Variants in PTPRD observed in about 807,000 individuals in gnomAD.
The protein encoded by PTPRD is protein tyrosine phosphatase receptor type D.
PTPRD carries 34 observed loss-of-function variants against 214.5 expected under a neutral mutation model. The ratio of observed to expected loss-of-function variants is 0.16; its 90% CI spans 0.12 to 0.21. PTPRD has a LOEUF of 0.21. Ranked by LOEUF, PTPRD falls within the 10% of genes least tolerant of loss-of-function variation. The probability of loss-of-function intolerance (pLI) is 1.00; values close to 1 mark genes in which losing one functional copy is unlikely to be tolerated. For missense variants in PTPRD, 2,545 were observed against 2,398.7 expected (o/e 1.06, Z -1.27); for synonymous variants, 1,128 against 845.7 (o/e 1.33, Z -5.79).
intron 14 of PTPRD, 122 bp downstream of exon 14, chr9:8,633,195 C>G: frequency 7.8e-7 from 1 of 1,275,636 alleles, no homozygotes; most frequent in Non-Finnish European, 1.1e-6. Context: ...TCAAGTCTTA[C>G]AAACATTTAA....
chr9:10,213,271 T>C (rs895192762), intron 3 of PTPRD, among the ~76,000 whole-genome samples: 1 of 152,136 alleles, frequency 6.6e-6, no homozygotes, highest in Non-Finnish European at 1.5e-5. Context: ...CATTATAAAA[T>C]AGAGTTATAA....
intron 11 of PTPRD, among the ~76,000 whole-genome samples, chr9:8,953,441 C>G (rs1392332616): frequency 6.6e-6 from 1 of 151,802 alleles, no homozygotes; most frequent in African/African-American, 2.4e-5. Flanking sequence ...TCAGCCTTGG[C>G]AAAGAATTTG....
intron 2 of PTPRD, among the ~76,000 whole-genome samples, chr9:10,377,900 T>C (rs1170343455): frequency 1.3e-5 from 2 of 152,054 alleles, no homozygotes; most frequent in African/African-American, 2.4e-5. Context: ...GATACACTGA[T>C]TTCATTTCTT....
Position 10,459,147 on chromosome 9 carries a change from T to A in PTPRD, c.-599-118130A>T, listed in dbSNP as rs115848758. On this transcript the variant is annotated intron_variant, in intron 2 of 45. Coordinates refer to ENST00000381196, the MANE Select transcript of PTPRD (RefSeq NM_002839.4). ...CCCACTCATGAGTAAGAACATCTGG[T>A]GTTCGGTTCTCTGTCCTTGTGCCAG... Among the ~76,000 whole-genome samples the A allele has an allele frequency of 4.2e-3, 638 of 152,292 alleles. 4 individuals carry two copies. The highest frequency in any genetic ancestry group is 0.014 in the African/African-American group (602 of 41,558).
At chr9:9,594,754 T>G (rs2093116192) in intron 7 of PTPRD, among the ~76,000 whole-genome samples, 1 of 152,030 alleles carries the variant, frequency 6.6e-6, no homozygotes, top group Admixed American at 6.6e-5. Context: ...CTATGTCGGC[T>G]TTTTGCACAG....
chr9:8,981,429 G>C (rs1482424167), intron 11 of PTPRD, among the ~76,000 whole-genome samples: 2 of 151,854 alleles, frequency 1.3e-5, no homozygotes, highest in Non-Finnish European at 2.9e-5. Flanking sequence ...GTATCGTTTA[G>C]TAAAGTCAAG....
intron 10 of PTPRD, among the ~76,000 whole-genome samples, chr9:9,042,510 C>T (rs150722635): frequency 4.6e-5 from 7 of 152,166 alleles, no homozygotes; most frequent in Admixed American, 1.3e-4. Flanking sequence ...AAAAGATGTG[C>T]CAGGCAGGGA....
At chr9:10,545,756 C>A (rs1251661358) in intron 2 of PTPRD, among the ~76,000 whole-genome samples, 1 of 152,132 alleles carries the variant, frequency 6.6e-6, no homozygotes. Context: ...CCAAGCTGAG[C>A]AAAGTTCTTT....
chr9:10,482,444 G>C (rs1365077295), intron 2 of PTPRD, among the ~76,000 whole-genome samples: 1 of 151,772 alleles, frequency 6.6e-6, no homozygotes, highest in African/African-American at 2.4e-5. Flanking sequence ...GCAAGATAAA[G>C]AAATAAAGGG....
At chr9:8,815,178 G>C (rs1392648769) in intron 11 of PTPRD, among the ~76,000 whole-genome samples, 1 of 151,702 alleles carries the variant, frequency 6.6e-6, no homozygotes, top group South Asian at 2.1e-4. Context: ...GTGGAAAGAA[G>C]ATATAGAGTA....
chr9:9,107,152 A>C (rs983157591), intron 10 of PTPRD, among the ~76,000 whole-genome samples: 1 of 152,166 alleles, frequency 6.6e-6, no homozygotes, highest in Non-Finnish European at 1.5e-5. Flanking sequence ...TATTGTAGGA[A>C]TAGAGTGTAA....
Position 10,344,127 on chromosome 9 carries a change from G to T in PTPRD, c.-599-3110C>A, listed in dbSNP as rs538807395. On this transcript the variant is annotated intron_variant, in intron 2 of 45. Coordinates refer to ENST00000381196, the MANE Select transcript of PTPRD (RefSeq NM_002839.4). ...CCATGCCTATGTCCTGAATGGTATT[G>T]CCTAGGTTTTCTTCTAGGGTTTTTA... Among the ~76,000 whole-genome samples, 20 of 151,346 alleles carry T rather than the reference G, an allele frequency of 1.3e-4. No individual in the cohort carries two copies. The South Asian group carries it at 3.1e-3, about 24-fold the overall frequency.
At chr9:9,631,411 G>A (rs2095590270) in intron 7 of PTPRD, among the ~76,000 whole-genome samples, 1 of 152,054 alleles carries the variant, frequency 6.6e-6, no homozygotes, top group Non-Finnish European at 1.5e-5. Context: ...TCAGCCACAA[G>A]TTATTCTTTC....
At chr9:10,136,699 T>C (rs534450860) in intron 3 of PTPRD, among the ~76,000 whole-genome samples, 2 of 88,896 alleles carry the variant, frequency 2.2e-5, no homozygotes, top group East Asian at 3.7e-4. Flanking sequence ...AATTGACAAA[T>C]GGGATCTAAT....
intron 9 of PTPRD, among the ~76,000 whole-genome samples, chr9:9,350,843 C>A (rs1478029889): frequency 1.3e-5 from 2 of 151,994 alleles, no homozygotes; most frequent in African/African-American, 4.8e-5. Context: ...GGAAAATATT[C>A]CCTCAGATAA....
At chr9:10,006,268 C>CA (rs1382846466) in intron 4 of PTPRD, among the ~76,000 whole-genome samples, 1 of 151,994 alleles carries the variant, frequency 6.6e-6, no homozygotes, top group Non-Finnish European at 1.5e-5. Flanking sequence ...AACTACTTAG[C>CA]ATTTGATACA....
At chr9:10,369,230 A>G (rs188900861) in intron 2 of PTPRD, among the ~76,000 whole-genome samples, 7 of 152,238 alleles carry the variant, frequency 4.6e-5, no homozygotes, top group Admixed American at 3.9e-4. Context: ...CTTGGCAAAT[A>G]CTTTCTAAAA....
intron 11 of PTPRD, among the ~76,000 whole-genome samples, chr9:8,817,261 C>T (rs769299505): frequency 6.6e-6 from 1 of 152,192 alleles, no homozygotes; most frequent in Non-Finnish European, 1.5e-5. Context: ...ATCTGACACT[C>T]AGCTCCAGAG....
chr9:8,542,681 T>C (rs555469596), intron 14 of PTPRD, among the ~76,000 whole-genome samples: 112 of 152,232 alleles, frequency 7.4e-4, no homozygotes, highest in Non-Finnish European at 1.1e-3. Context: ...TGTCTGTCAG[T>C]TGAACACTGA....
Sources: gnomAD v4.1 joint callset for allele counts (sites outside exome capture counted in the v4.1 genomes callset) on GRCh38, gnomAD v4.1.1 for gene constraint, MANE v1.5 for transcripts, NCBI Gene and HGNC (gene_info 2026-07-23, HGNC 2026-07-21) for gene names.